LRMDA: variants seen among roughly 807,000 people sequenced by gnomAD.
LRMDA encodes the protein leucine rich melanocyte differentiation associated, also known as leucine-rich melanocyte differentiation-associated protein.
LRMDA carries 18 observed loss-of-function variants against 29.8 expected under a neutral mutation model. That is an observed-to-expected ratio of 0.60 (90% CI 0.42 to 0.90). The LOEUF is 0.90. Ranked by LOEUF, LRMDA falls within the 40% of genes least tolerant of loss-of-function variation. The pLI is 0.00. For synonymous variants in LRMDA, 125 were observed against 109.4 expected, an observed-to-expected ratio of 1.14 and a Z score of -0.89; for missense variants, 273 against 273.9, an observed-to-expected ratio of 1.00 and a Z score of 0.02.
chr10:76,210,947 G>C (rs1174612171), intron 5 of LRMDA, among the ~76,000 whole-genome samples: 2 of 152,144 alleles, frequency 1.3e-5, no homozygotes, highest in South Asian at 2.1e-4. Context: ...CTTAAAAATG[G>C]TTTGGAAACT....
chr10:75,871,244 C>T (rs761197278), intron 2 of LRMDA, among the ~76,000 whole-genome samples: 1 of 152,162 alleles, frequency 6.6e-6, no homozygotes, highest in Non-Finnish European at 1.5e-5. Flanking sequence ...TGCAGAGTTT[C>T]GCATGGGCTT....
intron 5 of LRMDA, among the ~76,000 whole-genome samples, chr10:76,081,003 G>C (rs1429591811): frequency 2.0e-5 from 3 of 152,228 alleles, no homozygotes; most frequent in African/African-American, 7.2e-5. Context: ...CAGACAGTTT[G>C]TGTTCAGCGC....
chr10:75,563,690 A>G (rs1375365818), intron 2 of LRMDA, among the ~76,000 whole-genome samples: 1 of 151,872 alleles, frequency 6.6e-6, no homozygotes, highest in African/African-American at 2.4e-5. Flanking sequence ...GATGATGGTG[A>G]TGTACAGATG....
At position 75,493,348 on chromosome 10, in the gene LRMDA, GGTGT is replaced by G. The variant is rs3220724; in HGVS notation, c.131+54892_131+54895del. Among the ~76,000 whole-genome samples, 279 of 133,346 alleles carry G rather than the reference GGTGT, an allele frequency of 2.1e-3. 1 individual carries two copies. The highest frequency in any genetic ancestry group is 5.3e-3 in the African/African-American group (183 of 34,676). The allele number at this position is 133,346 out of a possible 152,430, so 87.5% of individuals were successfully genotyped here. On this transcript the variant is annotated intron_variant, in intron 2 of 6. Transcript: ENST00000611255. ...AGAGAGCCATAGAGGGTTGAGATTG[GGTGT>G]GTGTGTGTGTGTGTGTGTGTGTGTG...
rs1326401390 is a variant in LRMDA, at chr10:76,499,261, G to T, written c.602-57948G>T. On this transcript the variant is annotated intron_variant, in intron 6 of 6. Transcript: ENST00000611255. Reference sequence around the variant, plus strand: ...AGCTGTCACTCTCCATTCCTCTTGAGCCCCCAACCCCTGTCAAGTACTAAT... The same window carrying T: ...AGCTGTCACTCTCCATTCCTCTTGATCCCCCAACCCCTGTCAAGTACTAAT... Among the ~76,000 whole-genome samples, 4 of 73,790 alleles carry T rather than the reference G, an allele frequency of 5.4e-5. 2 individuals are homozygous for T. Among genetic ancestry groups the T allele is most frequent in the Non-Finnish European group, 1.8e-4 (4 of 22,252 alleles). 48.4% of individuals were successfully genotyped at this position (73,790 alleles called of 152,430 possible).
At chr10:76,511,171 T>C (rs1843006371) in intron 6 of LRMDA, among the ~76,000 whole-genome samples, 1 of 152,152 alleles carries the variant, frequency 6.6e-6, no homozygotes, top group Admixed American at 6.5e-5. Context: ...GAAACATTTA[T>C]TATTTACATC....
intron 2 of LRMDA, among the ~76,000 whole-genome samples, chr10:75,483,042 T>C (rs1844870893): frequency 6.6e-6 from 1 of 152,020 alleles, no homozygotes; most frequent in Non-Finnish European, 1.5e-5. Context: ...CCTCCCAGGC[T>C]CAAGTGATTC....
intron 6 of LRMDA, among the ~76,000 whole-genome samples, chr10:76,380,835 T>C (rs191421509): frequency 3.2e-4 from 49 of 152,012 alleles, no homozygotes; most frequent in Non-Finnish European, 6.5e-4. Context: ...AGTCCTACTA[T>C]TAATTAATGT....
chr10:75,755,020 G>C (rs554832244), intron 2 of LRMDA, among the ~76,000 whole-genome samples: 2 of 150,794 alleles, frequency 1.3e-5, no homozygotes, highest in South Asian at 4.2e-4. Flanking sequence ...TTTTGTTTTT[G>C]ACCTCATGGA....
At chr10:76,144,940 A>G (rs1455122877) in intron 5 of LRMDA, among the ~76,000 whole-genome samples, 1 of 152,150 alleles carries the variant, frequency 6.6e-6, no homozygotes, top group Admixed American at 6.5e-5. Flanking sequence ...TTCTGCATCT[A>G]TTGAGATAAT....
intron 5 of LRMDA, among the ~76,000 whole-genome samples, chr10:76,180,404 C>T (rs1353741718): frequency 6.6e-6 from 1 of 150,700 alleles, no homozygotes; most frequent in African/African-American, 2.4e-5. Context: ...CTCAGCCTCC[C>T]AAGTGGCTGG....
rs138036915 is a variant in LRMDA at position 75,569,038 on chromosome 10, G to A, written c.131+130544G>A. On this transcript the variant is annotated intron_variant, in intron 2 of 6. Transcript: ENST00000611255. Reference sequence around the variant, plus strand: ...GGCTCCTCTTTGTTGTTACTGGTGGGGCTCAATCCACTTCAGAGACTTGGA... The same window carrying A: ...GGCTCCTCTTTGTTGTTACTGGTGGAGCTCAATCCACTTCAGAGACTTGGA... Among the ~76,000 whole-genome samples, 50 of 152,170 alleles carry A rather than the reference G, an allele frequency of 3.3e-4. 1 individual carries two copies. In the East Asian group the frequency reaches 4.8e-3, roughly 15 times the overall value.
At chr10:76,313,847 AAACTCTT>A in intron 5 of LRMDA, among the ~76,000 whole-genome samples, 1 of 152,160 alleles carries the variant, frequency 6.6e-6, no homozygotes, top group East Asian at 1.9e-4. Flanking sequence ...GATTTTGGCC[AAACTCTT>A]GTATCTCGTA....
chr10:75,753,539 C>G (rs985731509), intron 2 of LRMDA, among the ~76,000 whole-genome samples: 1 of 151,790 alleles, frequency 6.6e-6, no homozygotes, highest in African/African-American at 2.4e-5. Flanking sequence ...GTGCAAAGGC[C>G]CCAGGCAAGT....
At chr10:75,807,081 G>C (rs1000701213) in intron 2 of LRMDA, among the ~76,000 whole-genome samples, 1 of 152,126 alleles carries the variant, frequency 6.6e-6, no homozygotes, top group Admixed American at 6.5e-5. Flanking sequence ...ATCCCTGTGG[G>C]GGGTGAGTGT....
At chr10:76,401,062 G>A (rs1360776208) in intron 6 of LRMDA, among the ~76,000 whole-genome samples, 3 of 152,154 alleles carry the variant, frequency 2.0e-5, no homozygotes, top group African/African-American at 7.2e-5. Context: ...TTGGATTTTG[G>A]ATTTTCAGCT....
At chr10:75,538,898 A>G (rs1390965378) in intron 2 of LRMDA, among the ~76,000 whole-genome samples, 1 of 152,160 alleles carries the variant, frequency 6.6e-6, no homozygotes, top group Non-Finnish European at 1.5e-5. Context: ...TACAGTACTG[A>G]ATGCCAAATT....
At chr10:76,015,669 G>A (rs954537244) in intron 2 of LRMDA, among the ~76,000 whole-genome samples, 1 of 152,138 alleles carries the variant, frequency 6.6e-6, no homozygotes, top group Non-Finnish European at 1.5e-5. Context: ...AGGAGGGAGG[G>A]ATCACTGGGA....
At chr10:76,125,594 G>C (rs748848804) in intron 5 of LRMDA, among the ~76,000 whole-genome samples, 11 of 152,180 alleles carry the variant, frequency 7.2e-5, no homozygotes, top group Admixed American at 3.9e-4. Flanking sequence ...ATCTGTCAAG[G>C]CAGGAAACCA....
Sources: allele counts gnomAD v4.1 joint callset (sites outside exome capture counted in the v4.1 genomes callset), GRCh38; gene constraint gnomAD v4.1.1; transcripts MANE v1.5; gene names NCBI Gene and HGNC (gene_info 2026-07-23, HGNC 2026-07-21).